CRYBG2: variants seen among roughly 807,000 people sequenced by gnomAD.
The protein encoded by CRYBG2 is crystallin beta-gamma domain containing 2, also known as beta/gamma crystallin domain-containing protein 2.
A neutral mutation model predicts 153.4 loss-of-function variants in CRYBG2; 106 were observed. The ratio of observed to expected loss-of-function variants is 0.69; its 90% CI spans 0.59 to 0.81. The LOEUF is 0.81. Among genes scored for constraint, CRYBG2 ranks in the 30% least tolerant of loss-of-function variants. CRYBG2 has a pLI of 0.00. For synonymous variants in CRYBG2, 851 were observed against 877.8 expected (o/e 0.97, Z 0.54); for missense variants, 1,996 against 2,112.0 (o/e 0.95, Z 1.08).
rs56092779 is a variant in CRYBG2, at chr1:26,325,610, TACACACACAC to T, written c.4579-1310_4579-1301del. 4.0e-5 allele frequency among the ~76,000 whole-genome samples: 6 copies of T among 149,046 alleles called. No homozygotes were observed. Among genetic ancestry groups the T allele is most frequent in the South Asian group, 2.2e-4 (1 of 4,632 alleles). On this transcript the variant is annotated intron_variant, in intron 17 of 19. Coordinates refer to ENST00000308182, the MANE Select transcript of CRYBG2 (RefSeq NM_001039775.4). The surrounding 1 kb of genome is among the most constrained non-coding windows in gnomAD (Gnocchi z 4.1). The stretch of plus-strand genomic sequence containing the variant: ...AAAAAAATGAATGCACTCCCACAGA[TACACACACAC>T]ACACACACACACACACACAGGTCAT...
At chr1:26,326,727 G>A (rs1284911916) in intron 17 of CRYBG2, 13 of 385,730 alleles carry the variant, frequency 3.4e-5, no homozygotes, top group Non-Finnish European at 7.0e-5. Flanking sequence ...CTTTCCTACG[G>A]TACAGCCTCT....
chr1:26,331,683 T>C, intron 14 of CRYBG2, 65 bp from the exon 15 acceptor site: 3 of 1,587,890 alleles, frequency 1.9e-6, no homozygotes, highest in South Asian at 2.2e-5. Context: ...CAGGTTCCCC[T>C]GAGATACAGA....
Position 26,344,581 on chromosome 1 carries a change from G to A in CRYBG2, c.2077C>T (p.Leu693Phe), listed in dbSNP as rs933768853. ...QDSEGSPISSLTQKEVVQDPD... is the reference protein window; with the variant it reads ...QDSEGSPISSFTQKEVVQDPD... ...TCCTGCACAACCTCTTTCTGGGTGA[G>A]AGATGAGATGGGGCTCCCTTCAGAG... Residue 693 changes from leucine to phenylalanine, a missense_variant, in exon 2 of 20, where the codon CTC (leucine) becomes TTC (phenylalanine). By Grantham distance (22) the Leu-to-Phe change is conservative. Coordinates refer to ENST00000308182, the MANE Select transcript of CRYBG2 (RefSeq NM_001039775.4). 3.9e-6 allele frequency: 6 copies of A among 1,538,386 alleles called. No individual in the cohort carries two copies. In the African/African-American group the frequency reaches 8.2e-5, roughly 21 times the overall value.
In CRYBG2 at chr1:26,343,811, G is replaced by A. The variant is rs1271555429; in HGVS notation, c.2847C>T (p.Pro949=). ...GGGATGATCTTTCACTGCAAAGCAG[G>A]GGCAACTGTCCTGGCACCTTCCTGA... ...PGLRKVPGQL[P]LLCSERSSPT... Residue 949 remains proline (P), a synonymous_variant, in exon 2 of 20, where the codon CCC becomes CCT. Coordinates refer to ENST00000308182, the MANE Select transcript of CRYBG2 (RefSeq NM_001039775.4). This position sits in a 1 kb window ranked among gnomAD's most constrained non-coding sequence, Gnocchi z 4.1. 9 of 1,454,486 alleles carry A rather than the reference G, an allele frequency of 6.2e-6. No individual in the cohort carries two copies. The highest frequency in any genetic ancestry group is 1.5e-5 in the South Asian group (1 of 68,310). The allele number at this position is 1,454,486 out of a possible 1,614,324, so 90.1% of individuals were successfully genotyped here. A position where few individuals can be genotyped will look rare whatever the true frequency, so the allele number is the denominator to read the frequency against.
chr1:26,352,943 G>C (rs1262825838), intron 1 of CRYBG2, among the ~76,000 whole-genome samples: 4 of 151,940 alleles, frequency 2.6e-5, no homozygotes, highest in African/African-American at 7.3e-5. Flanking sequence ...CAGCATTCCT[G>C]ATTCTGCCTC....
intron 15 of CRYBG2, among the ~76,000 whole-genome samples, 183 bp downstream of exon 15, chr1:26,331,306 T>TA (rs1200321189): frequency 6.6e-6 from 1 of 152,168 alleles, no homozygotes; most frequent in Non-Finnish European, 1.5e-5. Flanking sequence ...CCTCTCTCAG[T>TA]GGGTGCTCAA....
Position 26,345,397 on chromosome 1 carries a change from C to A in CRYBG2, c.1261G>T (p.Ala421Ser), listed in dbSNP as rs2074200543. The A allele has an allele frequency of 6.2e-7, 1 of 1,612,542 alleles. No individual in the cohort carries two copies. The highest frequency in any genetic ancestry group is 1.3e-5 in the African/African-American group (1 of 75,034). Residue 421 changes from alanine to serine, a missense_variant, in exon 2 of 20, where the codon GCT (alanine) becomes TCT (serine). Physicochemically the swap from Ala to Ser is moderately conservative, Grantham distance 99 (BLOSUM62 1). Transcript: ENST00000308182. ...TCCTTCCTTCTTGTAGTGGATGGAG[C>A]AGGAGGTTGTCCAGGGACTGTCACA... Reference protein sequence around the residue: ...EHVTVPGQPPAPSTTRRKDVP... With the variant: ...EHVTVPGQPPSPSTTRRKDVP...
chr1:26,328,278 G>A lies in CRYBG2; in HGVS notation c.4509C>T (p.Ser1503=), dbSNP rs770883421. Residue 1503 remains serine (S), a synonymous_variant, in exon 17 of 20, where the codon AGC becomes AGT. Transcript: ENST00000308182. ...DFRGRQWLVG[S]CEITNWLTYS... The stretch of plus-strand genomic sequence containing the variant: ...AGGTCAGCCAGTTGGTGATCTCGCA[G>A]CTTCCCACCAGCCACTGGCGGCCCC... 4 of 1,568,772 alleles carry A rather than the reference G, an allele frequency of 2.5e-6. No homozygotes were observed. The Admixed American group carries it at 7.4e-5, about 29-fold the overall frequency.
Position 26,336,863 on chromosome 1 carries a change from C to T in CRYBG2, c.3889G>A (p.Ala1297Thr). 6.2e-7 allele frequency: 1 copy of T among 1,604,266 alleles called. No individual in the cohort carries two copies. The highest frequency in any genetic ancestry group is 2.3e-5 in the East Asian group (1 of 44,112). The change falls in exon 11 of 20, where the codon GCC becomes ACC. Residue 1297 changes from alanine (A) to threonine (T), a missense_variant. Ala to Thr is a moderately conservative substitution (Grantham distance 58). Coordinates refer to ENST00000308182, the MANE Select transcript of CRYBG2 (RefSeq NM_001039775.4). The surrounding 1 kb of genome is among the most constrained non-coding windows in gnomAD (Gnocchi z 4.9). ...TACACGCCGCTGAGCACGTGGATGG[C>T]CTGTGTGCTGGGGCCGTGTTGCACC... ...ELVQHGPSTQAIHVLSGVWVA... is the reference protein window; with the variant it reads ...ELVQHGPSTQTIHVLSGVWVA...
intron 18 of CRYBG2, among the ~76,000 whole-genome samples, chr1:26,322,738 T>C (rs1262501118): frequency 6.6e-6 from 1 of 152,190 alleles, no homozygotes; most frequent in Non-Finnish European, 1.5e-5. Flanking sequence ...CTAAAGATTA[T>C]AGGAGGCATT....
intron 15 of CRYBG2, among the ~76,000 whole-genome samples, chr1:26,329,173 C>CTTTTTTTT (rs35855833): frequency 1.0e-5 from 1 of 98,650 alleles, no homozygotes; most frequent in African/African-American, 4.1e-5. Context: ...TTATTCTAGG[C>CTTTTTTTT]TTTTTTTTTT....
chr1:26,332,071 G>C (rs995359610), intron 14 of CRYBG2, among the ~76,000 whole-genome samples: 1 of 151,306 alleles, frequency 6.6e-6, no homozygotes, highest in East Asian at 1.9e-4. Flanking sequence ...ACTTTGGGAG[G>C]CTGAGGCGGG....
rs756590777 is a variant in CRYBG2, at chr1:26,336,820, C to G, written c.3911+21G>C. On this transcript the variant is annotated intron_variant, in intron 11 of 19. Coordinates refer to ENST00000308182, the MANE Select transcript of CRYBG2 (RefSeq NM_001039775.4). This position sits in a 1 kb window ranked among gnomAD's most constrained non-coding sequence, Gnocchi z 4.9. ...CCGGCTCGCCCGGGCCCGCCCCGCT[C>G]CCGGAGCCCGGGTCACTTACACGCC... 1.2e-5 allele frequency: 19 copies of G among 1,573,288 alleles called. No individual in the cohort carries two copies. The highest frequency in any genetic ancestry group is 1.6e-5 in the Non-Finnish European group (18 of 1,161,212).
rs138965875 is a variant in CRYBG2 at position 26,337,608 on chromosome 1, G to A, written c.3574C>T (p.Leu1192Phe). ...SWEVSRDIYN[L>F]QQPEDSQSPH... is the part of the protein sequence containing the mutation. ...CTCTGGCTGTCCTCTGGCTGCTGAAGGTTGTAGATGTCTCGGCTCACTTCC... is the reference window on the plus strand; with the variant it reads ...CTCTGGCTGTCCTCTGGCTGCTGAAAGTTGTAGATGTCTCGGCTCACTTCC... Residue 1192 changes from leucine to phenylalanine, a missense_variant, in exon 9 of 20, where the codon CTT becomes TTT. By Grantham distance (22) the Leu-to-Phe change is conservative. Transcript: ENST00000308182. 1.9e-6 allele frequency: 3 copies of A among 1,613,158 alleles called. No homozygotes were observed. Among genetic ancestry groups the A allele is most frequent in the African/African-American group, 2.7e-5 (2 of 74,854 alleles).
chr1:26,342,705 A>G, intron 5 of CRYBG2, 49 bp downstream of exon 5: 1 of 1,594,874 alleles, frequency 6.3e-7, no homozygotes, highest in Non-Finnish European at 8.5e-7. Context: ...GGCCTCGGGG[A>G]TTTCAACTCT....
intron 14 of CRYBG2, among the ~76,000 whole-genome samples, chr1:26,333,041 A>AAAAAAAAAAAAAAAAAAAG (rs2074015936): frequency 7.0e-6 from 1 of 143,786 alleles, no homozygotes; most frequent in Non-Finnish European, 1.5e-5. Context: ...AAAAAAAAAA[A>AAAAAAAAAAAAAAAAAAAG]AAAAAGATTT....
chr1:26,343,205 T>A lies in CRYBG2; in HGVS notation c.2961+41A>T. ...TCCTCAGGCCCTGACCCCAGGCCCCTGCATCCTGCTGCCCCCACCCACTTG... is the reference window on the plus strand; with the variant it reads ...TCCTCAGGCCCTGACCCCAGGCCCCAGCATCCTGCTGCCCCCACCCACTTG... On this transcript the variant is annotated intron_variant, in intron 3 of 19. Coordinates refer to ENST00000308182, the MANE Select transcript of CRYBG2 (RefSeq NM_001039775.4). This position sits in a 1 kb window ranked among gnomAD's most constrained non-coding sequence, Gnocchi z 4.1. 1 of 1,550,204 alleles carries A rather than the reference T, an allele frequency of 6.5e-7. No individual in the cohort carries two copies. Among genetic ancestry groups the A allele is most frequent in the Non-Finnish European group, 8.7e-7 (1 of 1,146,698 alleles).
chr1:26,328,639 G>A (rs2073961412), intron 16 of CRYBG2, 95 bp downstream of exon 16: 2 of 1,491,590 alleles, frequency 1.3e-6, no homozygotes, highest in Non-Finnish European at 1.8e-6. Flanking sequence ...GAAAAGTGGG[G>A]AGGGGAAAGA....
In CRYBG2 at chr1:26,345,165, A is replaced by G. The variant is rs767232188; in HGVS notation, c.1493T>C (p.Val498Ala). ...AASSPTWKEV[V>A]KGPGAPAASS... is the part of the protein sequence containing the mutation. ...GGCAGCAGGAGCACCAGGGCCCTTC[A>G]CGACCTCTTTCCAGGTGGGGGACGA... is the stretch of plus-strand genomic sequence containing the variant. Residue 498 changes from valine (V) to alanine (A), a missense_variant, in exon 2 of 20, where the codon GTG becomes GCG. By Grantham distance (64) the Val-to-Ala change is moderately conservative. Coordinates refer to ENST00000308182, the MANE Select transcript of CRYBG2 (RefSeq NM_001039775.4). The G allele has an allele frequency of 1.8e-5, 21 of 1,161,994 alleles. No homozygotes were observed. Among genetic ancestry groups the G allele is most frequent in the Non-Finnish European group, 2.5e-5 (21 of 853,512 alleles). The allele number at this position is 1,161,994 out of a possible 1,614,324, so 72.0% of individuals were successfully genotyped here. A position where few individuals can be genotyped will look rare whatever the true frequency, so the allele number is the denominator to read the frequency against.
Sources: allele counts gnomAD v4.1 joint callset (sites outside exome capture counted in the v4.1 genomes callset), GRCh38; gene constraint gnomAD v4.1.1; non-coding constraint Gnocchi (gnomAD v3.1); transcripts MANE v1.5; gene names NCBI Gene and HGNC (gene_info 2026-07-23, HGNC 2026-07-21).